ITPR1: variants seen among roughly 807,000 people sequenced by gnomAD.
ITPR1 encodes inositol 1,4,5-trisphosphate receptor type 1.
ITPR1 carries 96 observed loss-of-function variants against 318.4 expected under a neutral mutation model. That is an observed-to-expected ratio of 0.30 (90% confidence interval 0.26 to 0.36). The LOEUF is 0.36. ITPR1 is among the 10% of genes least tolerant of loss of function. The pLI, the probability that ITPR1 is intolerant of heterozygous loss-of-function variation, is 1.00. For missense variants in ITPR1, 2,440 were observed against 3,460.2 expected (o/e 0.71, Z 7.40); for synonymous variants, 1,312 against 1,289.9 (o/e 1.02, Z -0.37).
chr3:4,720,893 AT>A (rs1559768606), intron 40 of ITPR1, among the ~76,000 whole-genome samples: 1 of 151,966 alleles, frequency 6.6e-6, no homozygotes, highest in Non-Finnish European at 1.5e-5. Flanking sequence ...TACTTTTTAC[AT>A]TGCTGTGAAC....
intron 23 of ITPR1, among the ~76,000 whole-genome samples, chr3:4,676,115 G>C (rs1042112885): frequency 6.6e-6 from 1 of 151,818 alleles, no homozygotes; most frequent in Non-Finnish European, 1.5e-5. Context: ...GCTGTAGCAG[G>C]AGGATTGCTT....
chr3:4,781,677 C>T (rs561061665), intron 49 of ITPR1, among the ~76,000 whole-genome samples: 14 of 152,290 alleles, frequency 9.2e-5, no homozygotes, highest in Admixed American at 7.8e-4. Context: ...TCTACTTCCT[C>T]ATCCACTAAC....
At chr3:4,674,642 C>T (rs1426006563) in intron 22 of ITPR1, among the ~76,000 whole-genome samples, 4 of 152,144 alleles carry the variant, frequency 2.6e-5, no homozygotes, top group African/African-American at 9.7e-5. Flanking sequence ...TGCAATCTGC[C>T]ATAGCTTAAT....
Position 4,675,220 on chromosome 3 carries a change from A to G in ITPR1, c.2751A>G (p.Lys917=). The G allele has an allele frequency of 1.9e-6, 3 of 1,612,048 alleles. No individual in the cohort carries two copies. Among genetic ancestry groups the G allele is most frequent in the Non-Finnish European group, 2.5e-6 (3 of 1,179,300 alleles). ...AGATGGCGAAAGGAGAAGAGAATAAAGGTAACAATGATGTGGAGAAGCTGA... is the reference window on the plus strand; with the variant it reads ...AGATGGCGAAAGGAGAAGAGAATAAGGGTAACAATGATGTGGAGAAGCTGA... The part of the protein sequence containing the change: ...ISKMAKGEEN[K]GNNDVEKLKS... Residue 917 remains lysine (K), a synonymous_variant, in exon 23 of 62, where the codon AAA becomes AAG. Coordinates refer to ENST00000649015, the MANE Select transcript of ITPR1 (RefSeq NM_001378452.1).
At chr3:4,808,390 C>A (rs2048724207) in intron 55 of ITPR1, among the ~76,000 whole-genome samples, 1 of 151,658 alleles carries the variant, frequency 6.6e-6, no homozygotes, top group African/African-American at 2.4e-5. Flanking sequence ...GTGAAAAAGT[C>A]CTTGCATCAG....
At chr3:4,817,707 C>CGAA (rs900234739) in intron 59 of ITPR1, among the ~76,000 whole-genome samples, 3 of 152,320 alleles carry the variant, frequency 2.0e-5, no homozygotes, top group African/African-American at 7.2e-5. Flanking sequence ...TTTACCTGGG[C>CGAA]GAAGGGACTT....
At chr3:4,814,923 A>G in intron 58 of ITPR1, 130 bp from the exon 59 acceptor site, 2 of 771,746 alleles carry the variant, frequency 2.6e-6, no homozygotes, top group East Asian at 4.9e-5. Context: ...TGCAGTTTTC[A>G]GTTTAAAAGT....
chr3:4,768,720 C>T lies in ITPR1; in HGVS notation c.5935C>T (p.Arg1979Cys). The change falls in exon 46 of 62, where the codon CGC becomes TGC. Residue 1979 changes from arginine to cysteine, a missense_variant. Arg to Cys is a radical substitution (Grantham distance 180). This residue lies in a region of ITPR1 where 76 missense variants were observed against 162.1 expected (regional missense o/e 0.47). Transcript: ENST00000649015. ...CATCACCATCATGCAGCCCATCCTCCGCTTCCTTCAGCTCCTGTGTGAAAA... is the reference window on the plus strand; with the variant it reads ...CATCACCATCATGCAGCCCATCCTCTGCTTCCTTCAGCTCCTGTGTGAAAA... ...AVITIMQPIL[R>C]FLQLLCENHN... 6.2e-7 allele frequency: 1 copy of T among 1,613,624 alleles called. No homozygotes were observed. The highest frequency in any genetic ancestry group is 8.5e-7 in the Non-Finnish European group (1 of 1,179,784).
chr3:4,632,379 C>T (rs1054744624), intron 5 of ITPR1, among the ~76,000 whole-genome samples: 2 of 152,120 alleles, frequency 1.3e-5, no homozygotes, highest in African/African-American at 4.8e-5. Flanking sequence ...ATTCAGATTC[C>T]TCTTGGCCAT....
intron 59 of ITPR1, among the ~76,000 whole-genome samples, chr3:4,815,979 G>A (rs2049271625): frequency 8.3e-6 from 1 of 120,118 alleles, no homozygotes; most frequent in African/African-American, 2.9e-5. Context: ...TATCTCATTT[G>A]CTTTATACAC....
At chr3:4,746,873 C>G (rs1242905670) in intron 44 of ITPR1, among the ~76,000 whole-genome samples, 1 of 152,186 alleles carries the variant, frequency 6.6e-6, no homozygotes, top group African/African-American at 2.4e-5. Context: ...ACTAACTCGC[C>G]CAAGGGTGCA....
intron 49 of ITPR1, chr3:4,782,400 G>T (rs1191118002): frequency 5.1e-6 from 2 of 392,206 alleles, no homozygotes; most frequent in Non-Finnish European, 4.5e-6. Flanking sequence ...TCTAAGTAGA[G>T]TGAATGAGTT....
intron 33 of ITPR1, 25 bp downstream of exon 33, chr3:4,693,766 C>T: frequency 6.3e-7 from 1 of 1,597,348 alleles, no homozygotes; most frequent in Non-Finnish European, 8.5e-7. Flanking sequence ...CCTGGCTGTG[C>T]CCTTCTCGTT....
At chr3:4,601,027 GTTC>G (rs1462916392) in intron 4 of ITPR1, among the ~76,000 whole-genome samples, 1 of 151,974 alleles carries the variant, frequency 6.6e-6, no homozygotes, top group Non-Finnish European at 1.5e-5. Context: ...GAGGAATTCT[GTTC>G]TTCTTTTGTT....
chr3:4,608,123 C>T (rs1209244940), intron 4 of ITPR1, among the ~76,000 whole-genome samples: 4 of 152,134 alleles, frequency 2.6e-5, no homozygotes, highest in Non-Finnish European at 5.9e-5. Flanking sequence ...GAGGGTTAGC[C>T]AGATCAGATC....
At chr3:4,664,019 T>C (rs2093893854) in intron 16 of ITPR1, among the ~76,000 whole-genome samples, 1 of 152,238 alleles carries the variant, frequency 6.6e-6, no homozygotes, top group Non-Finnish European at 1.5e-5. Flanking sequence ...TTGTTGGATA[T>C]CAATCATGTG....
chr3:4,590,126 A>G (rs1295624680), intron 4 of ITPR1, among the ~76,000 whole-genome samples: 1 of 147,532 alleles, frequency 6.8e-6, no homozygotes, highest in African/African-American at 2.5e-5. Context: ...TGTCTTACCA[A>G]CTTATCCCTC....
chr3:4,619,629 TG>T (rs1430792970), intron 4 of ITPR1, among the ~76,000 whole-genome samples: 1 of 16,516 alleles, frequency 6.1e-5, no homozygotes, highest in African/African-American at 4.5e-4. Flanking sequence ...TGCTCTCCTC[TG>T]CTCTCCCCTG....
intron 60 of ITPR1, among the ~76,000 whole-genome samples, chr3:4,833,541 G>T (rs958543221): frequency 1.3e-5 from 2 of 152,168 alleles, no homozygotes; most frequent in Non-Finnish European, 2.9e-5. Context: ...GGTGAGTTCC[G>T]ACTGCTAGCA....
Sources: allele counts gnomAD v4.1 joint callset (sites outside exome capture counted in the v4.1 genomes callset), GRCh38; gene constraint gnomAD v4.1.1; regional missense constraint gnomAD v4.1.1; transcripts MANE v1.5; gene names NCBI Gene and HGNC (gene_info 2026-07-23, HGNC 2026-07-21).